CDK12: variants seen among roughly 807,000 people sequenced by gnomAD.
CDK12 encodes cyclin-dependent kinase 12.
Under a neutral mutation model 133.8 loss-of-function variants are expected in CDK12, and 17 were observed. The observed-to-expected ratio is 0.13, with a 90% CI of 0.09 to 0.19. The LOEUF is 0.19. Among genes scored for constraint, CDK12 ranks in the 10% least tolerant of loss-of-function variants. The pLI is 1.00. For missense variants in CDK12, 1,508 were observed against 1,818.7 expected (o/e 0.83, Z 3.11); for synonymous variants, 694 against 683.6 (o/e 1.02, Z -0.24).
At chr17:39,523,683 T>C (rs1324643037) in intron 11 of CDK12, among the ~76,000 whole-genome samples, 1 of 152,066 alleles carries the variant, frequency 6.6e-6, no homozygotes, top group African/African-American at 2.4e-5. Context: ...AGACAGACTC[T>C]TGTTCTGTTG....
Position 39,531,528 on chromosome 17 carries a change from C to T in CDK12, c.*212C>T. The T allele has an allele frequency of 4.8e-6, 2 of 418,286 alleles. No homozygotes were observed. The highest frequency in any genetic ancestry group is 2.0e-5 in the African/African-American group (1 of 48,900). The allele number at this position is 418,286 out of a possible 1,614,324, so 25.9% of individuals were successfully genotyped here. A position where few individuals can be genotyped will look rare whatever the true frequency, so the allele number is the denominator to read the frequency against. On this transcript the variant is annotated 3_prime_UTR_variant, in exon 14 of 14. Transcript: ENST00000447079. ...CAGTTCCCCCTGGATGGGCTATAGC[C>T]AGAACATTTACTTCAACTCTACCTT...
intron 6 of CDK12, among the ~76,000 whole-genome samples, chr17:39,503,022 TGAGCCGA>T (rs2052837284): frequency 6.6e-6 from 1 of 152,064 alleles, no homozygotes; most frequent in Non-Finnish European, 1.5e-5. Flanking sequence ...GAGGTTACAG[TGAGCCGA>T]GATCAATCCA....
At chr17:39,472,968 T>C (rs1317284716) in intron 2 of CDK12, among the ~76,000 whole-genome samples, 2 of 151,756 alleles carry the variant, frequency 1.3e-5, no homozygotes, top group Non-Finnish European at 2.9e-5. Context: ...CCCAGCTACT[T>C]GGGAGGCTGA....
At chr17:39,523,343 C>T (rs937550731) in intron 11 of CDK12, among the ~76,000 whole-genome samples, 4 of 152,004 alleles carry the variant, frequency 2.6e-5, no homozygotes, top group South Asian at 2.1e-4. Context: ...GGCGTAGTGG[C>T]GTGTACCTGT....
intron 8 of CDK12, 43 bp downstream of exon 8, chr17:39,511,673 C>G (rs1004456011): frequency 2.4e-6 from 3 of 1,272,990 alleles, no homozygotes; most frequent in Non-Finnish European, 3.4e-6. Context: ...AACTTACATA[C>G]TGTTGACTTG....
downstream of CDK12, among the ~76,000 whole-genome samples, chr17:39,566,071 G>T (rs372876504): frequency 6.6e-6 from 1 of 152,154 alleles, no homozygotes; most frequent in Non-Finnish European, 1.5e-5. Context: ...TAAAGCCCTT[G>T]TTGCTTCATC....
intron 6 of CDK12, among the ~76,000 whole-genome samples, chr17:39,503,334 A>G (rs143141401): frequency 2.9e-3 from 442 of 152,232 alleles, no homozygotes; most frequent in African/African-American, 0.01. Context: ...TGGCCTCCCA[A>G]AGTCCTGGTA....
intron 6 of CDK12, among the ~76,000 whole-genome samples, chr17:39,501,663 G>A (rs1299595221): frequency 3.3e-5 from 5 of 152,118 alleles, no homozygotes; most frequent in Non-Finnish European, 7.4e-5. Flanking sequence ...ATGTGCAGTT[G>A]GTGATTGGCC....
intron 8 of CDK12, among the ~76,000 whole-genome samples, chr17:39,514,055 A>G (rs1419236761): frequency 6.6e-6 from 1 of 152,042 alleles, no homozygotes; most frequent in Non-Finnish European, 1.5e-5. Context: ...ACAGAATTAA[A>G]TTTTACTTTT....
intron 2 of CDK12, among the ~76,000 whole-genome samples, chr17:39,552,619 G>A (rs986242992): frequency 1.3e-5 from 2 of 152,148 alleles, no homozygotes; most frequent in Admixed American, 6.5e-5. Context: ...TTAGAGCTAG[G>A]GCTAAAAGGC....
chr17:39,517,601 T>C (rs778884344), intron 10 of CDK12, 45 bp downstream of exon 10: 1 of 1,197,994 alleles, frequency 8.3e-7, no homozygotes, highest in South Asian at 1.2e-5. Flanking sequence ...GTCTGGCTGG[T>C]GTTGGGACTT....
intron 2 of CDK12, among the ~76,000 whole-genome samples, chr17:39,483,345 T>A (rs1321814441): frequency 6.6e-6 from 1 of 151,952 alleles, no homozygotes; most frequent in African/African-American, 2.4e-5. Context: ...GCTCACAGTA[T>A]CCTCTACCTG....
Position 39,533,705 on chromosome 17 carries a change from G to A in CDK12, c.*2389G>A, listed in dbSNP as rs1281683013. On this transcript the variant is annotated 3_prime_UTR_variant, in exon 14 of 14. Coordinates refer to ENST00000447079, the MANE Select transcript of CDK12 (RefSeq NM_016507.4). ...AGTGTATGTGTGAGTGTATGTGTAT[G>A]TATGATCCCATCTCACCCCCACCCC... 1 of 232,646 alleles carries A rather than the reference G, an allele frequency of 4.3e-6. No homozygotes were observed. The highest frequency in any genetic ancestry group is 8.5e-6 in the Non-Finnish European group (1 of 117,774). 14.4% of individuals were successfully genotyped at this position (232,646 alleles called of 1,614,324 possible).
upstream of CDK12, among the ~76,000 whole-genome samples, chr17:39,544,920 G>A (rs1011556294): frequency 6.6e-5 from 10 of 152,174 alleles, no homozygotes; most frequent in Middle Eastern, 3.4e-3. Flanking sequence ...GTGAGCCACC[G>A]CACCAGGCTA....
intron 2 of CDK12, among the ~76,000 whole-genome samples, chr17:39,479,240 G>A (rs1473124040): frequency 4.6e-5 from 7 of 150,722 alleles, no homozygotes; most frequent in African/African-American, 9.8e-5. Flanking sequence ...CCCGGGAGGC[G>A]GAGCTTGCAG....
At position 39,520,168 on chromosome 17, in the gene CDK12, T is replaced by C. The variant is rs546515352; in HGVS notation, c.3095+81T>C. 6.1e-6 allele frequency: 9 copies of C among 1,485,324 alleles called. No individual in the cohort carries two copies. The South Asian group carries it at 1.1e-4, about 18-fold the overall frequency. 92.0% of individuals were successfully genotyped at this position (1,485,324 alleles called of 1,614,324 possible). On this transcript the variant is annotated intron_variant, in intron 11 of 13. Transcript: ENST00000447079. The stretch of plus-strand genomic sequence containing the variant: ...GAGAAACTCATAAAAGAACCACAGA[T>C]GCCCAGTAAGACCCAAATGAAGAGG...
At chr17:39,507,546 C>G in intron 6 of CDK12, among the ~76,000 whole-genome samples, 1 of 151,308 alleles carries the variant, frequency 6.6e-6, no homozygotes, top group East Asian at 1.9e-4. Context: ...AAGATTGAAG[C>G]TCAGTCTTAA....
At chr17:39,475,110 C>T (rs1465136041) in intron 2 of CDK12, among the ~76,000 whole-genome samples, 1 of 151,998 alleles carries the variant, frequency 6.6e-6, no homozygotes, top group East Asian at 1.9e-4. Context: ...GCTGGGATTA[C>T]AGGCATGAGC....
chr17:39,462,848 T>C lies in CDK12; in HGVS notation c.777T>C (p.Tyr259=), dbSNP rs1457769657. The change falls in exon 1 of 14, where the codon TAT becomes TAC. Residue 259 remains tyrosine, a synonymous_variant. Transcript: ENST00000447079. ...CACGATCTCATACCTCGAGCAATTA[T>C]GACTCCTACAAGAAAAGTCCTGGAA... The part of the protein sequence containing the change: ...SPSRSHTSSN[Y]DSYKKSPGST... 2.5e-6 allele frequency: 4 copies of C among 1,614,176 alleles called. No individual in the cohort carries two copies. Among genetic ancestry groups the C allele is most frequent in the South Asian group, 2.2e-5 (2 of 91,080 alleles).
Sources: gnomAD v4.1 joint callset for allele counts (sites outside exome capture counted in the v4.1 genomes callset) on GRCh38, gnomAD v4.1.1 for gene constraint, MANE v1.5 for transcripts, NCBI Gene and HGNC (gene_info 2026-07-23, HGNC 2026-07-21) for gene names.